Variants in SPMIP2 observed in about 807,000 individuals in gnomAD.
SPMIP2 encodes sperm microtubule inner protein 2.
At chr4:158,979,137 C>A in the SPMIP2 span, among the ~76,000 whole-genome samples, 1 of 151,230 alleles carries the variant, frequency 6.6e-6, no homozygotes, top group African/African-American at 2.4e-5. Context: ...GCTCCGGAGA[C>A]TTTGTTCACA....
the SPMIP2 span, among the ~76,000 whole-genome samples, chr4:159,046,615 C>G: frequency 6.6e-6 from 1 of 152,180 alleles, no homozygotes; most frequent in Non-Finnish European, 1.5e-5. Context: ...CTCTGTTGCC[C>G]AAGCTGGAGT....
the SPMIP2 span, among the ~76,000 whole-genome samples, chr4:159,022,311 A>T: frequency 6.6e-6 from 1 of 152,244 alleles, no homozygotes; most frequent in Non-Finnish European, 1.5e-5. Context: ...CAGAAAACAT[A>T]TTCCATTTTT....
At chr4:159,019,654 A>G in the SPMIP2 span, among the ~76,000 whole-genome samples, 1 of 152,196 alleles carries the variant, frequency 6.6e-6, no homozygotes, top group African/African-American at 2.4e-5. Flanking sequence ...TTTAGCACTG[A>G]AAGTTCAGTG....
the SPMIP2 span, chr4:158,893,635 AT>A: frequency 3.6e-6 from 5 of 1,392,066 alleles, no homozygotes; most frequent in Admixed American, 2.0e-5. Context: ...TTATGATCTT[AT>A]TTTTTGTTAT....
the SPMIP2 span, among the ~76,000 whole-genome samples, chr4:159,069,040 C>T: frequency 6.6e-6 from 1 of 152,176 alleles, no homozygotes; most frequent in African/African-American, 2.4e-5. Flanking sequence ...CCGTGGCTCA[C>T]ACCTATAATC....
the SPMIP2 span, chr4:158,895,862 T>C: frequency 3.7e-6 from 6 of 1,607,972 alleles, no homozygotes; most frequent in Non-Finnish European, 5.1e-6. Flanking sequence ...GGTGTCGTAC[T>C]GGGGTGAGTT....
the SPMIP2 span, among the ~76,000 whole-genome samples, chr4:158,997,650 A>AGTT: frequency 6.6e-6 from 1 of 151,872 alleles, no homozygotes; most frequent in Admixed American, 6.6e-5. Context: ...CAAGCTCTTT[A>AGTT]GTTGTTGTTG....
the SPMIP2 span, among the ~76,000 whole-genome samples, chr4:158,933,106 C>T: frequency 1.3e-5 from 2 of 152,122 alleles, no homozygotes; most frequent in South Asian, 2.1e-4. Flanking sequence ...TGGGTTCAAG[C>T]GATTCTCCTG....
the SPMIP2 span, chr4:159,006,984 C>T: frequency 5.2e-6 from 2 of 384,274 alleles, no homozygotes; most frequent in Non-Finnish European, 1.0e-5. Flanking sequence ...CATTGTTTTC[C>T]CTAGAATGCC....
chr4:158,965,384 G>A, the SPMIP2 span, among the ~76,000 whole-genome samples: 6 of 152,110 alleles, frequency 3.9e-5, no homozygotes, highest in Admixed American at 3.3e-4. Flanking sequence ...TCTGAAATCT[G>A]AGTGGACTAT....
At chr4:159,032,879 T>C in the SPMIP2 span, among the ~76,000 whole-genome samples, 10 of 151,532 alleles carry the variant, frequency 6.6e-5, no homozygotes, top group African/African-American at 1.9e-4. Context: ...CTGATGGACA[T>C]GCAAAATAGT....
At chr4:159,069,618 C>A in the SPMIP2 span, among the ~76,000 whole-genome samples, 17 of 151,138 alleles carry the variant, frequency 1.1e-4, no homozygotes, top group Non-Finnish European at 1.5e-5. Flanking sequence ...AAAAAAAAAT[C>A]TTTTGTAGAT....
chr4:159,060,841 T>C, the SPMIP2 span, among the ~76,000 whole-genome samples: 1 of 152,134 alleles, frequency 6.6e-6, no homozygotes, highest in East Asian at 1.9e-4. Context: ...TGCCAGCACT[T>C]TGGGAGGCCG....
the SPMIP2 span, among the ~76,000 whole-genome samples, chr4:158,903,688 A>G: frequency 6.6e-6 from 1 of 152,190 alleles, no homozygotes; most frequent in South Asian, 2.1e-4. Context: ...ATCTGTATGT[A>G]GCATTACTGG....
At chr4:158,984,546 G>A in the SPMIP2 span, among the ~76,000 whole-genome samples, 4 of 151,722 alleles carry the variant, frequency 2.6e-5, no homozygotes, top group South Asian at 2.1e-4. Context: ...GGTACATAAC[G>A]AAACCAAGGC....
the SPMIP2 span, among the ~76,000 whole-genome samples, chr4:159,026,752 T>G: frequency 2.0e-5 from 3 of 152,016 alleles, no homozygotes; most frequent in East Asian, 3.9e-4. Context: ...AATTAAGAAG[T>G]GATATTAACA....
the SPMIP2 span, among the ~76,000 whole-genome samples, chr4:158,991,488 C>T: frequency 7.9e-5 from 12 of 152,282 alleles, no homozygotes; most frequent in African/African-American, 2.2e-4. Flanking sequence ...GCTCAGAAAA[C>T]GAATCTCAGC....
At chr4:158,942,774 C>CT in the SPMIP2 span, among the ~76,000 whole-genome samples, 1 of 152,092 alleles carries the variant, frequency 6.6e-6, no homozygotes, top group Non-Finnish European at 1.5e-5. Context: ...AAGACTCTGT[C>CT]TCAAAAAACA....
chr4:159,055,233 G>A, the SPMIP2 span, among the ~76,000 whole-genome samples: 4 of 152,260 alleles, frequency 2.6e-5, no homozygotes, highest in Admixed American at 6.5e-5. Flanking sequence ...TATCTGTGGC[G>A]CTGCCTGGAG....
Sources: allele counts gnomAD v4.1 joint callset (sites outside exome capture counted in the v4.1 genomes callset), GRCh38; gene constraint gnomAD v4.1.1; transcripts MANE v1.5; gene names NCBI Gene and HGNC (gene_info 2026-07-23, HGNC 2026-07-21).